The following PDE5A variants were observed in gnomAD, a reference collection of about 807,000 sequenced individuals.
The protein encoded by PDE5A is phosphodiesterase 5A.
In PDE5A, 67 loss-of-function variants were observed where a neutral mutation model predicts 110.2. The observed-to-expected ratio is 0.61, with a 90% confidence interval of 0.50 to 0.75. The LOEUF (loss-of-function observed/expected upper bound fraction) is 0.75. Among genes scored for constraint, PDE5A ranks in the 30% least tolerant of loss-of-function variants. The pLI, the probability that PDE5A is intolerant of heterozygous loss-of-function variation, is 0.00. For synonymous variants in PDE5A, 328 were observed against 351.2 expected (o/e 0.93, Z 0.74); for missense variants, 862 against 1,045.1 (o/e 0.82, Z 2.42).
At chr4:119,568,756 A>G (rs1191863117) in intron 3 of PDE5A, among the ~76,000 whole-genome samples, 1 of 152,192 alleles carries the variant, frequency 6.6e-6, no homozygotes, top group Non-Finnish European at 1.5e-5. Flanking sequence ...CTGTGTTTTA[A>G]GAAAGATGAG....
chr4:119,621,598 G>A (rs1265700931), intron 1 of PDE5A, among the ~76,000 whole-genome samples: 1 of 152,082 alleles, frequency 6.6e-6, no homozygotes, highest in African/African-American at 2.4e-5. Flanking sequence ...CAGGTAAACA[G>A]AGTAGATAGA....
chr4:119,562,823 CTG>C lies in PDE5A; in HGVS notation c.1131+8_1131+9del, dbSNP rs1331599356. 1 of 1,551,040 alleles carries C rather than the reference CTG, an allele frequency of 6.4e-7. No individual in the cohort carries two copies. Among genetic ancestry groups the C allele is most frequent in the Non-Finnish European group, 8.7e-7 (1 of 1,154,894 alleles). On this transcript the variant is annotated splice_region_variant and intron_variant, in intron 6 of 20. Coordinates refer to ENST00000354960, the MANE Select transcript of PDE5A (RefSeq NM_001083.4). ...TTTCTAAAAATAAAAAAGTCATACT[CTG>C]TACTCACGGAGCAATCTTCATCCAC...
At chr4:119,529,875 C>G (rs932091902) in intron 11 of PDE5A, among the ~76,000 whole-genome samples, 4 of 152,064 alleles carry the variant, frequency 2.6e-5, no homozygotes, top group African/African-American at 9.7e-5. Context: ...GGATCCGTTT[C>G]CATTAGAGCA....
At position 119,498,483 on chromosome 4, in the gene PDE5A, T is replaced by TA; in HGVS notation, c.*117dup. 1 of 1,112,440 alleles carries TA rather than the reference T, an allele frequency of 9.0e-7. No individual in the cohort carries two copies. The highest frequency in any genetic ancestry group is 1.3e-6 in the Non-Finnish European group (1 of 777,248). The allele number at this position is 1,112,440 out of a possible 1,614,324, so 68.9% of individuals were successfully genotyped here. ...CTCAAAAGTTGTGCAAAAATAAAAA[T>TA]ACAGCAGTGGCAAAGTATATACCAA... On this transcript the variant is annotated 3_prime_UTR_variant, in exon 21 of 21. Transcript: ENST00000354960.
intron 18 of PDE5A, among the ~76,000 whole-genome samples, chr4:119,503,299 A>G (rs1411663561): frequency 6.6e-6 from 1 of 152,154 alleles, no homozygotes; most frequent in African/African-American, 2.4e-5. Context: ...AAAACACAAT[A>G]TATATGTCAC....
intron 3 of PDE5A, among the ~76,000 whole-genome samples, chr4:119,583,944 G>A (rs1247974796): frequency 6.6e-6 from 1 of 152,206 alleles, no homozygotes; most frequent in Non-Finnish European, 1.5e-5. Flanking sequence ...ATGTTTGTAT[G>A]CTGATGAGCA....
In PDE5A at chr4:119,494,566, TGAAATGACTCTCGTGATGGA is replaced by T. The variant is rs1724995346; in HGVS notation, c.*4015_*4034del. On this transcript the variant is annotated 3_prime_UTR_variant, in exon 21 of 21. Coordinates refer to ENST00000354960, the MANE Select transcript of PDE5A (RefSeq NM_001083.4). The stretch of plus-strand genomic sequence containing the variant: ...GTGATTTTGTCATGAAAGAGTCATC[TGAAATGACTCTCGTGATGGA>T]GGAAAGGAAAGTAATGAAATCAACA... 1 of 152,588 alleles carries T rather than the reference TGAAATGACTCTCGTGATGGA, an allele frequency of 6.6e-6. No individual in the cohort carries two copies. Among genetic ancestry groups the T allele is most frequent in the Non-Finnish European group, 1.5e-5 (1 of 68,038 alleles). The allele number at this position is 152,588 out of a possible 1,614,324, so 9.5% of individuals were successfully genotyped here.
chr4:119,574,491 C>T (rs576486528), intron 3 of PDE5A, among the ~76,000 whole-genome samples: 7 of 152,114 alleles, frequency 4.6e-5, no homozygotes, highest in African/African-American at 1.7e-4. Context: ...AAAATATAGG[C>T]TCTTATGGAC....
At chr4:119,511,629 T>A (rs552874971) in intron 14 of PDE5A, among the ~76,000 whole-genome samples, 1 of 152,166 alleles carries the variant, frequency 6.6e-6, no homozygotes, top group South Asian at 2.1e-4. Flanking sequence ...TGAGGTATGA[T>A]TGATGAAAGG....
At chr4:119,613,698 A>G (rs1240119386) in intron 1 of PDE5A, among the ~76,000 whole-genome samples, 1 of 144,148 alleles carries the variant, frequency 6.9e-6, no homozygotes, top group African/African-American at 2.6e-5. Flanking sequence ...TAGGACCTCT[A>G]TTTTCCTTTC....
chr4:119,524,451 T>C (rs1726238644), intron 12 of PDE5A, among the ~76,000 whole-genome samples: 1 of 152,158 alleles, frequency 6.6e-6, no homozygotes, highest in African/African-American at 2.4e-5. Context: ...TAAGAGTCTA[T>C]GGACAATTGT....
chr4:119,504,431 T>A, intron 18 of PDE5A, 105 bp downstream of exon 18: 2 of 811,378 alleles, frequency 2.5e-6, no homozygotes, highest in Non-Finnish European at 2.0e-6. Flanking sequence ...GTGTCTTTTT[T>A]ATATAGTCAT....
chr4:119,500,924 A>G, intron 20 of PDE5A: 3 of 479,288 alleles, frequency 6.3e-6, no homozygotes, highest in Non-Finnish European at 1.1e-5. Context: ...ACACTGGCAC[A>G]TAATTCTTCT....
At chr4:119,588,238 G>A (rs1373594772) in intron 3 of PDE5A, among the ~76,000 whole-genome samples, 2 of 145,014 alleles carry the variant, frequency 1.4e-5, no homozygotes, top group African/African-American at 5.1e-5. Flanking sequence ...GCACTGGCAC[G>A]ATCTCAGCTC....
chr4:119,508,028 G>T (rs556240047), intron 15 of PDE5A, among the ~76,000 whole-genome samples: 2 of 151,698 alleles, frequency 1.3e-5, no homozygotes, highest in East Asian at 3.9e-4. Flanking sequence ...TTAACAGCAT[G>T]TAAAACTTTG....
chr4:119,509,545 C>A (rs531234610), intron 15 of PDE5A, among the ~76,000 whole-genome samples: 2 of 152,014 alleles, frequency 1.3e-5, no homozygotes, highest in Admixed American at 6.6e-5. Context: ...AGGGCTTTTT[C>A]CTTTATTGCT....
intron 1 of PDE5A, among the ~76,000 whole-genome samples, chr4:119,621,261 C>G (rs912110344): frequency 1.3e-5 from 2 of 152,172 alleles, no homozygotes; most frequent in Non-Finnish European, 2.9e-5. Context: ...GGAATGTACC[C>G]TCCCCAATGA....
chr4:119,530,859 T>C (rs1227733019), intron 11 of PDE5A, among the ~76,000 whole-genome samples: 1 of 152,170 alleles, frequency 6.6e-6, no homozygotes, highest in Non-Finnish European at 1.5e-5. Flanking sequence ...CAATATGTTG[T>C]GGTACATGCC....
chr4:119,622,864 G>GAAAAAA (rs369291602), intron 1 of PDE5A, among the ~76,000 whole-genome samples: 2 of 97,246 alleles, frequency 2.1e-5, no homozygotes, highest in Admixed American at 1.3e-4. Context: ...ACTCCGTCTC[G>GAAAAAA]AAAAAAAAAA....
Sources: allele counts gnomAD v4.1 joint callset (sites outside exome capture counted in the v4.1 genomes callset), GRCh38; gene constraint gnomAD v4.1.1; transcripts MANE v1.5; gene names NCBI Gene and HGNC (gene_info 2026-07-23, HGNC 2026-07-21).